The following FN1 variants were observed in gnomAD, a reference collection of about 807,000 sequenced individuals.
FN1 encodes fibronectin 1.
FN1 carries 106 observed loss-of-function variants against 297.3 expected under a neutral mutation model. That is an observed-to-expected ratio of 0.36 (90% CI 0.30 to 0.42). FN1 has a LOEUF of 0.42. FN1 is among the 10% of genes least tolerant of loss of function. FN1 has a pLI of 1.00. For synonymous variants in FN1, 1,149 were observed against 1,152.6 expected, an observed-to-expected ratio of 1.00 and a Z score of 0.06; for missense variants, 2,690 against 3,124.9, an observed-to-expected ratio of 0.86 and a Z score of 3.32.
chr2:215,386,411 A>G (rs1021500403), intron 28 of FN1, among the ~76,000 whole-genome samples: 2 of 151,972 alleles, frequency 1.3e-5, no homozygotes, highest in Non-Finnish European at 2.9e-5. Flanking sequence ...TTGTGTTATT[A>G]GAAATGCATA....
In FN1 at chr2:215,375,018, T is replaced by C. The variant is rs530978861; in HGVS notation, c.6157+196A>G. ...TCATGCCATTAGTACAGTCTTGAAA[T>C]TGCATTTTCCTTCACTCATGCCTTT... On this transcript the variant is annotated intron_variant, in intron 38 of 45. Transcript: ENST00000354785. Among the ~76,000 whole-genome samples, 4 of 152,304 alleles carry C rather than the reference T, an allele frequency of 2.6e-5. No homozygotes were observed. The South Asian group carries it at 8.3e-4, about 32-fold the overall frequency.
intron 29 of FN1, chr2:215,384,646 T>A: frequency 2.0e-6 from 1 of 503,686 alleles, no homozygotes; most frequent in East Asian, 3.4e-5. Flanking sequence ...GCTCTGCCGT[T>A]CCCCCTCTAG....
At chr2:215,415,270 G>C (rs771761585) in intron 12 of FN1, among the ~76,000 whole-genome samples, 3 of 152,116 alleles carry the variant, frequency 2.0e-5, no homozygotes, top group Non-Finnish European at 2.9e-5. Context: ...AGAATTGTGA[G>C]AAAATTGTGA....
At position 215,385,966 on chromosome 2, in the gene FN1, C is replaced by T. The variant is rs191087188; in HGVS notation, c.4612+723G>A. 4.0e-4 allele frequency among the ~76,000 whole-genome samples: 59 copies of T among 148,808 alleles called. 1 individual carries two copies. Among genetic ancestry groups the T allele is most frequent in the East Asian group, 1.0e-3 (5 of 4,890 alleles). On this transcript the variant is annotated intron_variant, in intron 28 of 45. Transcript: ENST00000354785. Reference sequence around the variant, plus strand: ...CTAATTTTTGTATTTTTAGTAGAGACGAGGTTTCATCATGTTGGCCAGGAT... The same window carrying T: ...CTAATTTTTGTATTTTTAGTAGAGATGAGGTTTCATCATGTTGGCCAGGAT...
intron 18 of FN1, 129 bp from the exon 19 acceptor site, chr2:215,406,639 T>A: frequency 2.2e-6 from 2 of 926,236 alleles, no homozygotes; most frequent in Non-Finnish European, 3.4e-6. Flanking sequence ...TTTTGTCTCT[T>A]AATCAGATCA....
intron 38 of FN1, among the ~76,000 whole-genome samples, chr2:215,373,752 T>A (rs1449752584): frequency 6.8e-6 from 1 of 147,310 alleles, no homozygotes; most frequent in African/African-American, 2.6e-5. Flanking sequence ...CTATCTCGGC[T>A]CACTGCAAGC....
intron 13 of FN1, among the ~76,000 whole-genome samples, chr2:215,410,362 G>T (rs1467898776): frequency 6.6e-6 from 1 of 152,170 alleles, no homozygotes; most frequent in Non-Finnish European, 1.5e-5. Context: ...CATACTCTGT[G>T]CTGTTTACCT....
intron 12 of FN1, 112 bp downstream of exon 12, chr2:215,419,130 A>C: frequency 1.2e-6 from 1 of 822,034 alleles, no homozygotes. Context: ...ACAAGAGAAA[A>C]GGGTGGGAAA....
rs2058626452 is a variant in FN1, at chr2:215,384,344, T to G, written c.4730-160A>C. On this transcript the variant is annotated intron_variant, in intron 29 of 45. Transcript: ENST00000354785. ...TTGAACAGAAAGGGGTATTTATGCATGTAGCAAACCTTGGTAAGTGTATAA... is the reference window on the plus strand; with the variant it reads ...TTGAACAGAAAGGGGTATTTATGCAGGTAGCAAACCTTGGTAAGTGTATAA... 1.0e-5 allele frequency: 7 copies of G among 678,436 alleles called. No individual in the cohort carries two copies. The South Asian group carries it at 1.2e-4, about 12-fold the overall frequency. 42.0% of individuals were successfully genotyped at this position (678,436 alleles called of 1,614,324 possible).
intron 23 of FN1, 44 bp from the exon 24 acceptor site, chr2:215,394,763 GAGC>G: frequency 6.7e-7 from 1 of 1,485,938 alleles, no homozygotes; most frequent in Non-Finnish European, 9.4e-7. Context: ...GAGGATCTGT[GAGC>G]CAGAGCATAT....
intron 36 of FN1, among the ~76,000 whole-genome samples, chr2:215,376,149 TTTATA>T (rs1332305635): frequency 6.6e-6 from 1 of 152,232 alleles, no homozygotes; most frequent in Non-Finnish European, 1.5e-5. Flanking sequence ...ATTGTTTACT[TTTATA>T]TTAACTATGC....
chr2:215,383,598 T>C (rs1165117891), intron 30 of FN1, 115 bp from the exon 31 acceptor site: 2 of 1,102,296 alleles, frequency 1.8e-6, no homozygotes, highest in East Asian at 4.7e-5. Context: ...ATGAGAAAGG[T>C]ATTTCTTCTC....
intron 6 of FN1, among the ~76,000 whole-genome samples, chr2:215,427,057 A>C (rs530982491): frequency 6.6e-6 from 1 of 151,858 alleles, no homozygotes; most frequent in South Asian, 2.1e-4. Context: ...TTGTATTTTT[A>C]GTAGAGATGG....
Position 215,408,188 on chromosome 2 carries a change from G to A in FN1, c.2438C>T (p.Ala813Val). ...TTGGTCCACAGTCGTGTCAGGAGGG[G>A]CATCAGGCGCTAAGAAAGAAAGAAA... ...LSTSQTTAPD[A>V]PPDTTVDQVD... Residue 813 changes from alanine (A) to valine (V), a missense_variant, in exon 17 of 46, where the codon GCC (alanine) becomes GTC (valine). Physicochemically the swap from Ala to Val is moderately conservative, Grantham distance 64. Transcript: ENST00000354785. 1 of 1,613,892 alleles carries A rather than the reference G, an allele frequency of 6.2e-7. No individual in the cohort carries two copies. The highest frequency in any genetic ancestry group is 1.1e-5 in the South Asian group (1 of 91,082).
At chr2:215,395,185 C>G (rs1230903452) in intron 23 of FN1, among the ~76,000 whole-genome samples, 1 of 152,142 alleles carries the variant, frequency 6.6e-6, no homozygotes. Context: ...CCCCAGAGAG[C>G]TCTCCTAATT....
chr2:215,430,276 A>G (rs556469983), intron 5 of FN1, among the ~76,000 whole-genome samples: 34 of 152,372 alleles, frequency 2.2e-4, no homozygotes, highest in African/African-American at 7.9e-4. Context: ...CAATCTTAGA[A>G]GGAGCAGTAA....
chr2:215,372,165 G>T lies in FN1; in HGVS notation c.6458C>A (p.Pro2153Gln), dbSNP rs199867755. Residue 2153 changes from proline (P) to glutamine (Q), a missense_variant, in exon 40 of 46, where the codon CCG (proline) becomes CAG (glutamine). Physicochemically the swap from Pro to Gln is moderately conservative, Grantham distance 76 (BLOSUM62 -1). This residue lies in a region of FN1 where 1,743 missense variants were observed against 1,945.2 expected (regional missense o/e 0.90). Coordinates refer to ENST00000354785, the MANE Select transcript of FN1 (RefSeq NM_212482.4). Reference sequence around the variant, plus strand: ...CCTTATGGGGGTGGCCGTTGTGGGCGGTGTGGTCCGCCTAAAACCATGTTC... The same window carrying T: ...CCTTATGGGGGTGGCCGTTGTGGGCTGTGTGGTCCGCCTAAAACCATGTTC... ...FEEHGFRRTTPPTTATPIRHR... is the reference protein window; with the variant it reads ...FEEHGFRRTTQPTTATPIRHR... The T allele has an allele frequency of 6.2e-7, 1 of 1,614,202 alleles. No individual in the cohort carries two copies. The highest frequency in any genetic ancestry group is 8.5e-7 in the Non-Finnish European group (1 of 1,180,026).
At chr2:215,433,484 T>C in intron 2 of FN1, 23 bp from the exon 3 acceptor site, 1 of 1,610,836 alleles carries the variant, frequency 6.2e-7, no homozygotes, top group Non-Finnish European at 8.5e-7. Context: ...GGAAAGTCCA[T>C]GTGAGCCTCA....
chr2:215,362,089 T>C lies in FN1; in HGVS notation c.7252-10A>G, dbSNP rs762925169. 1.9e-6 allele frequency: 3 copies of C among 1,606,652 alleles called. No homozygotes were observed. The highest frequency in any genetic ancestry group is 1.3e-5 in the African/African-American group (1 of 74,850). ...TGTCACAGCGCCAGCCCTGAGAGAGTAGAGGCATGAAGTCAAATGGGGTTT... is the reference window on the plus strand; with the variant it reads ...TGTCACAGCGCCAGCCCTGAGAGAGCAGAGGCATGAAGTCAAATGGGGTTT... On this transcript the variant is annotated splice_polypyrimidine_tract_variant and intron_variant, in intron 44 of 45. Coordinates refer to ENST00000354785, the MANE Select transcript of FN1 (RefSeq NM_212482.4).
Sources: allele counts gnomAD v4.1 joint callset (sites outside exome capture counted in the v4.1 genomes callset), GRCh38; gene constraint gnomAD v4.1.1; regional missense constraint gnomAD v4.1.1; transcripts MANE v1.5; gene names NCBI Gene and HGNC (gene_info 2026-07-23, HGNC 2026-07-21).